The following MARCHF5 variants were observed in gnomAD, a reference collection of about 807,000 sequenced individuals.
MARCHF5 encodes membrane associated ring-CH-type finger 5.
Under a neutral mutation model 36.5 loss-of-function variants are expected in MARCHF5, and 5 were observed. That is an observed-to-expected ratio of 0.14 (90% CI 0.07 to 0.29). MARCHF5 has a LOEUF of 0.29. Among genes scored for constraint, MARCHF5 ranks in the 10% least tolerant of loss-of-function variants. The pLI is 1.00. For synonymous variants in MARCHF5, 103 were observed against 109.9 expected (o/e 0.94, Z 0.39); for missense variants, 179 against 336.3 (o/e 0.53, Z 3.66).
At chr10:92,307,030 G>A (rs1300347720) in intron 1 of MARCHF5, among the ~76,000 whole-genome samples, 1 of 152,084 alleles carries the variant, frequency 6.6e-6, no homozygotes, top group Admixed American at 6.5e-5. Context: ...GGGCAGGGGA[G>A]GGGGCAGGAA....
intron 2 of MARCHF5, among the ~76,000 whole-genome samples, chr10:92,330,212 A>C (rs1285522361): frequency 2.6e-5 from 4 of 152,172 alleles, no homozygotes; most frequent in Non-Finnish European, 5.9e-5. Context: ...TACCTTCAGA[A>C]TAAGAGTTCC....
At chr10:92,294,287 A>T (rs1842925104) in intron 1 of MARCHF5, among the ~76,000 whole-genome samples, 2 of 152,194 alleles carry the variant, frequency 1.3e-5, no homozygotes, top group Non-Finnish European at 2.9e-5. Flanking sequence ...GACACTATGT[A>T]TATTATCATT....
At chr10:92,348,142 C>T (rs1335344723) in intron 3 of MARCHF5, among the ~76,000 whole-genome samples, 1 of 149,026 alleles carries the variant, frequency 6.7e-6, no homozygotes, top group Non-Finnish European at 1.5e-5. Context: ...AAGATCGTGC[C>T]ATTGCACTCC....
intron 2 of MARCHF5, among the ~76,000 whole-genome samples, chr10:92,314,855 A>G (rs914352474): frequency 1.3e-5 from 2 of 150,876 alleles, no homozygotes; most frequent in Non-Finnish European, 2.9e-5. Context: ...TGCTAGGATC[A>G]CAGGCATGAG....
intron 3 of MARCHF5, among the ~76,000 whole-genome samples, chr10:92,348,044 G>A (rs1238855518): frequency 4.0e-5 from 6 of 151,494 alleles, no homozygotes; most frequent in Admixed American, 1.3e-4. Flanking sequence ...TTAGCTGGGC[G>A]TGGAGGTGCA....
chr10:92,317,485 T>C (rs577214976), intron 2 of MARCHF5, among the ~76,000 whole-genome samples: 1 of 152,330 alleles, frequency 6.6e-6, no homozygotes, highest in East Asian at 1.9e-4. Context: ...CTAAATATTT[T>C]GTTCTTTTTG....
intron 1 of MARCHF5, among the ~76,000 whole-genome samples, chr10:92,297,378 C>G (rs1842959234): frequency 6.6e-6 from 1 of 151,730 alleles, no homozygotes; most frequent in Non-Finnish European, 1.5e-5. Flanking sequence ...CCACGTTGCC[C>G]AGGCTGGTCT....
At chr10:92,291,722 C>A in intron 1 of MARCHF5, 193 bp downstream of exon 1, 1 of 400,364 alleles carries the variant, frequency 2.5e-6, no homozygotes, top group African/African-American at 2.2e-5. Context: ...GGGTCGTAGA[C>A]TTTGGGTGAA....
intron 2 of MARCHF5, among the ~76,000 whole-genome samples, chr10:92,319,263 A>G (rs1388912514): frequency 6.6e-6 from 1 of 152,126 alleles, no homozygotes; most frequent in Non-Finnish European, 1.5e-5. Flanking sequence ...CTTGGTAATA[A>G]ATGACTGTGT....
chr10:92,332,009 G>T (rs1034076), intron 2 of MARCHF5, among the ~76,000 whole-genome samples: 145,479 of 147,398 alleles, frequency 0.99, 71,826 homozygotes, highest in Middle Eastern at 1. Flanking sequence ...GCTTTGACCT[G>T]AAGTCTTTTA....
intron 2 of MARCHF5, among the ~76,000 whole-genome samples, chr10:92,319,100 C>T (rs1366624592): frequency 6.6e-6 from 1 of 152,106 alleles, no homozygotes; most frequent in Non-Finnish European, 1.5e-5. Flanking sequence ...ATAATTGAGT[C>T]GAAAAATTCC....
rs984604103 is a variant in MARCHF5 at position 92,340,936 on chromosome 10, C to G, written c.369+133C>G. The G allele has an allele frequency of 4.1e-5, 33 of 802,168 alleles. No individual in the cohort carries two copies. In the African/African-American group the frequency reaches 5.4e-4, roughly 13 times the overall value. 49.7% of individuals were successfully genotyped at this position (802,168 alleles called of 1,614,324 possible). Reference sequence around the variant, plus strand: ...CATGTTCTTTCTAAATGTTATTTCCCCTACTTTTTCTTTACCCAAAAAGGA... The same window carrying G: ...CATGTTCTTTCTAAATGTTATTTCCGCTACTTTTTCTTTACCCAAAAAGGA... On this transcript the variant is annotated intron_variant, in intron 3 of 5. Coordinates refer to ENST00000358935, the MANE Select transcript of MARCHF5 (RefSeq NM_017824.5).
intron 1 of MARCHF5, among the ~76,000 whole-genome samples, chr10:92,308,809 AT>A (rs1843109964): frequency 1.3e-5 from 2 of 150,252 alleles, no homozygotes; most frequent in African/African-American, 4.9e-5. Context: ...GGTTCACGCC[AT>A]TCTCCTGTCT....
chr10:92,294,345 C>G (rs1408037701), intron 1 of MARCHF5, among the ~76,000 whole-genome samples: 2 of 152,148 alleles, frequency 1.3e-5, no homozygotes. Flanking sequence ...ATGAAACATA[C>G]ATCTCTATAA....
chr10:92,319,042 A>C (rs1268499759), intron 2 of MARCHF5, among the ~76,000 whole-genome samples: 1 of 152,116 alleles, frequency 6.6e-6, no homozygotes, highest in Non-Finnish European at 1.5e-5. Context: ...ACTACACTGT[A>C]CTTAATGTTT....
chr10:92,328,259 C>T (rs1454601803), intron 2 of MARCHF5, among the ~76,000 whole-genome samples: 1 of 150,484 alleles, frequency 6.6e-6, no homozygotes, highest in African/African-American at 2.4e-5. Flanking sequence ...TTAGTCATGT[C>T]TCCTTACACT....
At chr10:92,333,125 A>T (rs1051725182) in intron 2 of MARCHF5, among the ~76,000 whole-genome samples, 2 of 150,022 alleles carry the variant, frequency 1.3e-5, no homozygotes, top group African/African-American at 4.9e-5. Flanking sequence ...GCACCATTGC[A>T]CTCCAGCCTG....
intron 3 of MARCHF5, 67 bp from the exon 4 acceptor site, chr10:92,349,280 AAT>A: frequency 8.4e-7 from 1 of 1,183,958 alleles, no homozygotes; most frequent in Non-Finnish European, 1.2e-6. Context: ...CTATTAAAAA[AAT>A]AGAGCTTAAC....
At chr10:92,305,105 G>A (rs1254347142) in intron 1 of MARCHF5, among the ~76,000 whole-genome samples, 9 of 152,014 alleles carry the variant, frequency 5.9e-5, no homozygotes, top group Admixed American at 1.3e-4. Flanking sequence ...TCTATGTTAC[G>A]GTGAGTTAAG....
Sources: allele counts gnomAD v4.1 joint callset (sites outside exome capture counted in the v4.1 genomes callset), GRCh38; gene constraint gnomAD v4.1.1; transcripts MANE v1.5; gene names NCBI Gene and HGNC (gene_info 2026-07-23, HGNC 2026-07-21).